DAB1: variants seen among roughly 807,000 people sequenced by gnomAD.
DAB1 encodes disabled homolog 1.
A neutral mutation model predicts 64.6 loss-of-function variants in DAB1; 15 were observed. The ratio of observed to expected loss-of-function variants is 0.23; its 90% CI spans 0.16 to 0.36. The LOEUF is 0.36. Ranked by LOEUF, DAB1 falls within the 10% of genes least tolerant of loss-of-function variation. DAB1 has a pLI of 1.00. For missense variants in DAB1, 596 were observed against 706.7 expected, an observed-to-expected ratio of 0.84 and a Z score of 1.78; for synonymous variants, 235 against 251.9, an observed-to-expected ratio of 0.93 and a Z score of 0.64.
At chr1:58,000,776 G>A (rs933898446) in intron 5 of DAB1, among the ~76,000 whole-genome samples, 1 of 151,692 alleles carries the variant, frequency 6.6e-6, no homozygotes, top group Non-Finnish European at 1.5e-5. Context: ...TCACCATGCT[G>A]GCCAGGCTGG....
intron 2 of DAB1, among the ~76,000 whole-genome samples, chr1:58,514,147 C>T (rs1170561084): frequency 6.6e-6 from 1 of 151,994 alleles, no homozygotes; most frequent in Non-Finnish European, 1.5e-5. Context: ...ATGTTTGGTC[C>T]TAAGTGATGA....
intron 7 of DAB1, among the ~76,000 whole-genome samples, chr1:57,609,213 G>A (rs767709585): frequency 6.6e-5 from 10 of 152,158 alleles, no homozygotes; most frequent in Non-Finnish European, 1.0e-4. Context: ...TTCTGCATCT[G>A]TGGATACAAC....
chr1:57,515,758 T>C (rs947244), intron 7 of DAB1, among the ~76,000 whole-genome samples: 10,679 of 152,348 alleles, frequency 0.07, 1,171 homozygotes, highest in African/African-American at 0.23. Context: ...TGCCAAGCCT[T>C]GAGCCAAGTA....
intron 1 of DAB1, among the ~76,000 whole-genome samples, chr1:57,301,239 A>T (rs886463872): frequency 6.6e-6 from 1 of 152,210 alleles, no homozygotes; most frequent in Non-Finnish European, 1.5e-5. Flanking sequence ...CTGGAGGTAC[A>T]GAGGGAGATT....
Position 57,897,957 on chromosome 1 carries a change from A to T in DAB1, n.388-13795T>A, listed in dbSNP as rs570843303. Among the ~76,000 whole-genome samples the T allele has an allele frequency of 2.6e-5, 4 of 152,292 alleles. No individual in the cohort carries two copies. The East Asian group carries it at 7.7e-4, about 29-fold the overall frequency. On this transcript the variant is annotated intron_variant and non_coding_transcript_variant, in intron 5 of 20. Coordinates refer to the DAB1 transcript ENST00000485760. ...GAAAGGAGCAGATGTTTCGGTCCCC[A>T]TGAAGTTGACATGACAATCTGACAG...
chr1:58,364,458 T>C (rs1015852174), intron 3 of DAB1, among the ~76,000 whole-genome samples: 4 of 152,154 alleles, frequency 2.6e-5, no homozygotes, highest in African/African-American at 9.7e-5. Context: ...ATAGTCCGAA[T>C]CCCAGCATAG....
chr1:57,319,088 G>T (rs1675465372), intron 1 of DAB1, among the ~76,000 whole-genome samples: 1 of 152,196 alleles, frequency 6.6e-6, no homozygotes, highest in African/African-American at 2.4e-5. Flanking sequence ...ATTCTCAGGG[G>T]TCGTGGCAGA....
At position 58,496,859 on chromosome 1, in the gene DAB1, A is replaced by G. The variant is rs543107172; in HGVS notation, n.257+9201T>C. ...CTACATAGATTTCTCGTGAAGACAC[A>G]TTTCTCAGGTTGTTTGAAAACTGAT... is the stretch of plus-strand genomic sequence containing the variant. On this transcript the variant is annotated intron_variant and non_coding_transcript_variant, in intron 3 of 20. Transcript: ENST00000485760. 8.5e-5 allele frequency among the ~76,000 whole-genome samples: 13 copies of G among 152,258 alleles called. No individual in the cohort carries two copies. In the South Asian group the frequency reaches 2.7e-3, roughly 32 times the overall value.
intron 4 of DAB1, among the ~76,000 whole-genome samples, chr1:57,117,245 A>C (rs1183033501): frequency 6.6e-6 from 1 of 152,238 alleles, no homozygotes; most frequent in Non-Finnish European, 1.5e-5. Flanking sequence ...AGGACAAAGG[A>C]GACACTCTAC....
chr1:57,754,558 C>T lies in DAB1; in HGVS notation n.552-104893G>A, dbSNP rs182160841. Among the ~76,000 whole-genome samples, 181 of 151,782 alleles carry T rather than the reference C, an allele frequency of 1.2e-3. 2 individuals are homozygous for T. Among genetic ancestry groups the T allele is most frequent in the Non-Finnish European group, 1.9e-3 (127 of 67,960 alleles). On this transcript the variant is annotated intron_variant and non_coding_transcript_variant, in intron 6 of 20. Coordinates refer to the DAB1 transcript ENST00000485760. ...AAAATTAGGCGGGCATGGTGGCATG[C>T]GCCTGTGATCCCAGCTACTCGGAAG...
rs531576904 is a variant in DAB1, at chr1:58,483,652, A to G, written n.257+22408T>C. Among the ~76,000 whole-genome samples the G allele has an allele frequency of 7.0e-4, 107 of 152,212 alleles. 1 individual carries two copies. The highest frequency in any genetic ancestry group is 1.1e-3 in the Non-Finnish European group (73 of 68,034). On this transcript the variant is annotated intron_variant and non_coding_transcript_variant, in intron 3 of 20. Coordinates refer to the DAB1 transcript ENST00000485760. The stretch of plus-strand genomic sequence containing the variant: ...CAACAAGAAAATGTTTCCCAACTAT[A>G]GCACTTACAGCACTTAAGTAAACAG...
intron 3 of DAB1, among the ~76,000 whole-genome samples, chr1:58,362,653 A>G (rs146620504): frequency 5.3e-4 from 80 of 152,324 alleles, no homozygotes; most frequent in African/African-American, 1.9e-3. Context: ...TTATTACCTC[A>G]ATTTAATACT....
At chr1:57,221,550 C>T (rs1189269096) in intron 2 of DAB1, among the ~76,000 whole-genome samples, 2 of 151,930 alleles carry the variant, frequency 1.3e-5, no homozygotes, top group Middle Eastern at 3.2e-3. Flanking sequence ...AACTATGATA[C>T]TCTGGAATTG....
intron 3 of DAB1, among the ~76,000 whole-genome samples, chr1:58,451,134 G>C (rs1420989066): frequency 6.6e-6 from 1 of 152,048 alleles, no homozygotes; most frequent in East Asian, 1.9e-4. Flanking sequence ...CTGTCACTCA[G>C]GGTGGAATGC....
chr1:57,753,259 C>G (rs1648638676), intron 6 of DAB1, among the ~76,000 whole-genome samples: 1 of 152,278 alleles, frequency 6.6e-6, no homozygotes, highest in East Asian at 1.9e-4. Context: ...TTATAGGGGT[C>G]GAAGCGCTGA....
At chr1:58,445,128 C>A (rs1250652488) in intron 3 of DAB1, among the ~76,000 whole-genome samples, 1 of 152,136 alleles carries the variant, frequency 6.6e-6, no homozygotes, top group African/African-American at 2.4e-5. Flanking sequence ...ATTGGTCACC[C>A]TACCTTGGCA....
chr1:57,886,159 T>C (rs1644217577), upstream of DAB1, among the ~76,000 whole-genome samples: 1 of 150,194 alleles, frequency 6.7e-6, no homozygotes, highest in Non-Finnish European at 1.5e-5. Context: ...TATAGCCTAC[T>C]ATTCTTTTTT....
rs181038145 is a variant in DAB1, at chr1:57,279,104, A to G, written c.67+11860T>C. On this transcript the variant is annotated intron_variant, in intron 2 of 14. Coordinates refer to ENST00000371236, the MANE Select transcript of DAB1 (RefSeq NM_001365792.1). Reference sequence around the variant, plus strand: ...GAATTTGCGAAATTTCCTGGTCTTCACTTTTACAGTGCTTGCTCCAAATTA... The same window carrying G: ...GAATTTGCGAAATTTCCTGGTCTTCGCTTTTACAGTGCTTGCTCCAAATTA... Among the ~76,000 whole-genome samples the G allele has an allele frequency of 1.6e-3, 251 of 152,336 alleles. 2 individuals carry two copies. The highest frequency in any genetic ancestry group is 1.5e-3 in the Non-Finnish European group (105 of 68,034).
At chr1:57,903,806 A>T (rs1202848) in intron 5 of DAB1, among the ~76,000 whole-genome samples, 91,093 of 152,004 alleles carry the variant, frequency 0.6, 28,183 homozygotes, top group African/African-American at 0.75. Flanking sequence ...AAGCAGCAGC[A>T]CAAAATCTTA....
Sources: gnomAD v4.1 joint callset for allele counts (sites outside exome capture counted in the v4.1 genomes callset) on GRCh38, gnomAD v4.1.1 for gene constraint, MANE v1.5 for transcripts, NCBI Gene and HGNC (gene_info 2026-07-23, HGNC 2026-07-21) for gene names.